Variants in OR14I1 observed in about 807,000 individuals in gnomAD.
The protein encoded by OR14I1 is olfactory receptor family 14 subfamily I member 1.
For synonymous variants in OR14I1, 118 were observed against 71.1 expected (o/e 1.66, Z -3.32); for missense variants, 279 against 181.8 (o/e 1.53, Z -3.07).
chr1:248,689,458 C>A, the OR14I1 span, among the ~76,000 whole-genome samples: 1 of 152,160 alleles, frequency 6.6e-6, no homozygotes, highest in Non-Finnish European at 1.5e-5. Context: ...CCAGTCCAGT[C>A]AACAAATTGC....
chr1:248,693,104 G>A, the OR14I1 span, among the ~76,000 whole-genome samples: 1 of 152,170 alleles, frequency 6.6e-6, no homozygotes, highest in African/African-American at 2.4e-5. Flanking sequence ...TTATCGGGAG[G>A]AGTCATTCAG....
chr1:248,695,890 G>A, the OR14I1 span, among the ~76,000 whole-genome samples: 1 of 152,334 alleles, frequency 6.6e-6, no homozygotes, highest in South Asian at 2.1e-4. Context: ...TAAAAGGTTT[G>A]GAATGTTCGC....
chr1:248,681,974 C>T (rs765528124), exon 1 of OR14I1: 1 of 780,974 alleles, frequency 1.3e-6, no homozygotes, highest in East Asian at 2.4e-5. Flanking sequence ...GTAAGGAAGG[C>T]CAGCTCAGCA....
the OR14I1 span, among the ~76,000 whole-genome samples, chr1:248,695,044 G>C: frequency 6.6e-6 from 1 of 152,078 alleles, no homozygotes; most frequent in Non-Finnish European, 1.5e-5. Flanking sequence ...AGTAGCTTCA[G>C]AGCAGAGTAG....
chr1:248,691,419 G>C, the OR14I1 span, among the ~76,000 whole-genome samples: 3 of 152,180 alleles, frequency 2.0e-5, no homozygotes, highest in African/African-American at 7.2e-5. Context: ...GTATTGGTAG[G>C]GTAGAATGTT....
the OR14I1 span, among the ~76,000 whole-genome samples, chr1:248,694,182 G>C: frequency 6.6e-6 from 1 of 152,154 alleles, no homozygotes; most frequent in African/African-American, 2.4e-5. Context: ...CCTTTGCTCT[G>C]CTGATCAGAG....
chr1:248,686,986 T>C (rs755693240), upstream of OR14I1, among the ~76,000 whole-genome samples: 1 of 152,194 alleles, frequency 6.6e-6, no homozygotes, highest in African/African-American at 2.4e-5. Flanking sequence ...CTGGAGGAGA[T>C]TGGCTTCCAG....
the OR14I1 span, among the ~76,000 whole-genome samples, chr1:248,687,447 G>A: frequency 6.6e-6 from 1 of 152,156 alleles, no homozygotes; most frequent in Non-Finnish European, 1.5e-5. Flanking sequence ...AAATCTATTT[G>A]TTCCACAACC....
At chr1:248,680,356 G>A (rs1226909033), downstream of OR14I1, among the ~76,000 whole-genome samples, 1 of 152,216 alleles carries the variant, frequency 6.6e-6, no homozygotes, top group Non-Finnish European at 1.5e-5. Flanking sequence ...AAAGTCCAGT[G>A]CCTAATGGAG....
At chr1:248,699,548 G>C in the OR14I1 span, among the ~76,000 whole-genome samples, 1 of 152,118 alleles carries the variant, frequency 6.6e-6, no homozygotes, top group Admixed American at 6.5e-5. Context: ...TAGGAGGAGT[G>C]GGGGAGAGGA....
At chr1:248,687,327 G>A (rs957610660), upstream of OR14I1, among the ~76,000 whole-genome samples, 17 of 152,166 alleles carry the variant, frequency 1.1e-4, no homozygotes, top group African/African-American at 4.1e-4. Context: ...AGTTAAGTGC[G>A]TATACTCAGT....
chr1:248,695,518 C>A, the OR14I1 span, among the ~76,000 whole-genome samples: 6 of 152,144 alleles, frequency 3.9e-5, no homozygotes, highest in African/African-American at 1.4e-4. Flanking sequence ...CAGGTGTGAG[C>A]CACTGCGCCC....
At chr1:248,691,104 G>A in the OR14I1 span, among the ~76,000 whole-genome samples, 1 of 152,130 alleles carries the variant, frequency 6.6e-6, no homozygotes, top group Admixed American at 6.5e-5. Context: ...GGATATTTAG[G>A]TTGCTTCCAA....
At chr1:248,700,012 G>T in the OR14I1 span, among the ~76,000 whole-genome samples, 2 of 152,104 alleles carry the variant, frequency 1.3e-5, no homozygotes, top group African/African-American at 4.8e-5. Flanking sequence ...CGCCTGCCTT[G>T]GCCTCCCAAA....
At chr1:248,685,511 G>A (rs756817978), upstream of OR14I1, among the ~76,000 whole-genome samples, 26 of 151,966 alleles carry the variant, frequency 1.7e-4, no homozygotes, top group Admixed American at 4.6e-4. Context: ...GCTTGCTATC[G>A]GTAGATGTAA....
chr1:248,687,632 T>C, the OR14I1 span, among the ~76,000 whole-genome samples: 1 of 152,368 alleles, frequency 6.6e-6, no homozygotes, highest in Non-Finnish European at 1.5e-5. Context: ...TAGCAGACTT[T>C]ATTTGATCAA....
At chr1:248,679,613 A>G (rs1661526246), downstream of OR14I1, among the ~76,000 whole-genome samples, 1 of 152,206 alleles carries the variant, frequency 6.6e-6, no homozygotes, top group Non-Finnish European at 1.5e-5. Flanking sequence ...CTTGACCTCA[A>G]GAACCCTGAG....
chr1:248,680,960 C>CTG (rs755075968), downstream of OR14I1, among the ~76,000 whole-genome samples: 13 of 73,996 alleles, frequency 1.8e-4, no homozygotes, highest in African/African-American at 4.3e-4. Flanking sequence ...GGTACTAAAA[C>CTG]TGTGTGCGTG....
the OR14I1 span, among the ~76,000 whole-genome samples, chr1:248,694,109 G>A: frequency 6.6e-6 from 1 of 152,102 alleles, no homozygotes; most frequent in East Asian, 1.9e-4. Context: ...GAGGGGAGTG[G>A]GAGAAAGTGA....
Sources: gnomAD v4.1 joint callset for allele counts (sites outside exome capture counted in the v4.1 genomes callset) on GRCh38, gnomAD v4.1.1 for gene constraint, MANE v1.5 for transcripts, NCBI Gene and HGNC (gene_info 2026-07-23, HGNC 2026-07-21) for gene names.